THSD7B: variants seen among roughly 807,000 people sequenced by gnomAD.
THSD7B encodes thrombospondin type 1 domain containing 7B.
In THSD7B, 138 loss-of-function variants were observed where a neutral mutation model predicts 213.6. The ratio of observed to expected loss-of-function variants is 0.65; its 90% CI spans 0.56 to 0.74. The LOEUF is 0.74. Ranked by LOEUF, THSD7B falls within the 30% of genes least tolerant of loss-of-function variation. The probability of loss-of-function intolerance (pLI) is 0.00; values close to 1 mark genes in which losing one functional copy is unlikely to be tolerated. For synonymous variants in THSD7B, 742 were observed against 687.0 expected (o/e 1.08, Z -1.25); for missense variants, 1,931 against 1,991.5 (o/e 0.97, Z 0.58).
chr2:137,200,775 G>A (rs1332128135), intron 7 of THSD7B, among the ~76,000 whole-genome samples: 1 of 151,812 alleles, frequency 6.6e-6, no homozygotes, highest in African/African-American at 2.4e-5. Flanking sequence ...GCTTCCAGTG[G>A]TCCTCCTGAC....
intron 26 of THSD7B, among the ~76,000 whole-genome samples, chr2:137,666,884 C>T (rs1260126252): frequency 6.6e-6 from 1 of 151,910 alleles, no homozygotes; most frequent in Non-Finnish European, 1.5e-5. Context: ...ATGGTTGATT[C>T]ATTTTGTTAA....
At chr2:137,084,849 A>G (rs1687808904) in intron 3 of THSD7B, among the ~76,000 whole-genome samples, 1 of 152,208 alleles carries the variant, frequency 6.6e-6, no homozygotes, top group African/African-American at 2.4e-5. Context: ...TTACCACAGT[A>G]TAGCCTATTT....
intron 15 of THSD7B, among the ~76,000 whole-genome samples, chr2:137,516,354 T>C (rs1680068064): frequency 6.6e-6 from 1 of 152,184 alleles, no homozygotes; most frequent in Non-Finnish European, 1.5e-5. Flanking sequence ...TATCCAGAAC[T>C]ACTTGAATGA....
At chr2:137,293,793 A>G (rs1281443923) in intron 12 of THSD7B, among the ~76,000 whole-genome samples, 1 of 152,130 alleles carries the variant, frequency 6.6e-6, no homozygotes, top group Non-Finnish European at 1.5e-5. Flanking sequence ...TTAATACTTC[A>G]TCATGTCACC....
In THSD7B at chr2:137,635,537, TC is replaced by T. The variant is rs555900774; in HGVS notation, c.3800-6950del. Among the ~76,000 whole-genome samples, 6 of 152,300 alleles carry T rather than the reference TC, an allele frequency of 3.9e-5. No homozygotes were observed. In the East Asian group the frequency reaches 1.2e-3, roughly 29 times the overall value. On this transcript the variant is annotated intron_variant, in intron 20 of 27. Coordinates refer to ENST00000409968, the MANE Select transcript of THSD7B (RefSeq NM_001316349.2). ...CTGAGTAACTATGTATTTTGTAATT[TC>T]ATTCATTTAATATAATAAGCCCAGT...
At chr2:137,226,173 C>A (rs949454190) in intron 7 of THSD7B, among the ~76,000 whole-genome samples, 26 of 151,692 alleles carry the variant, frequency 1.7e-4, no homozygotes, top group Admixed American at 1.3e-3. Flanking sequence ...AGAGTATTTT[C>A]GATAACTGTT....
intron 4 of THSD7B, among the ~76,000 whole-genome samples, chr2:137,104,445 G>T (rs763382013): frequency 2.0e-5 from 3 of 152,064 alleles, no homozygotes; most frequent in Non-Finnish European, 4.4e-5. Flanking sequence ...ATCTAAAACC[G>T]ACACCATAAG....
chr2:137,439,788 ATT>A (rs1008216546), intron 14 of THSD7B, among the ~76,000 whole-genome samples: 1 of 151,888 alleles, frequency 6.6e-6, no homozygotes, highest in East Asian at 1.9e-4. Context: ...TTCGAGGTAC[ATT>A]TTTTTTGTCA....
intron 1 of THSD7B, among the ~76,000 whole-genome samples, chr2:136,836,981 A>G (rs1451435860): frequency 6.6e-6 from 1 of 152,134 alleles, no homozygotes; most frequent in African/African-American, 2.4e-5. Flanking sequence ...TCAACCCATT[A>G]GCAAGTCCTG....
chr2:137,499,727 C>T (rs2105133999), intron 15 of THSD7B, among the ~76,000 whole-genome samples: 1 of 152,254 alleles, frequency 6.6e-6, no homozygotes, highest in South Asian at 2.1e-4. Context: ...GAGCTATCAA[C>T]AATGGGGAAC....
chr2:137,182,601 G>T (rs933911239), intron 7 of THSD7B, among the ~76,000 whole-genome samples: 11 of 152,154 alleles, frequency 7.2e-5, no homozygotes, highest in African/African-American at 2.7e-4. Context: ...ATCCGTAGGA[G>T]TAACACTGGT....
intron 12 of THSD7B, among the ~76,000 whole-genome samples, chr2:137,305,614 G>A (rs1402613893): frequency 2.0e-5 from 3 of 152,110 alleles, no homozygotes; most frequent in African/African-American, 7.2e-5. Context: ...TCATGCCCAG[G>A]AGGCAAGTCA....
At chr2:137,412,621 C>CAA (rs199913921) in intron 14 of THSD7B, among the ~76,000 whole-genome samples, 2 of 103,804 alleles carry the variant, frequency 1.9e-5, no homozygotes, top group South Asian at 3.2e-4. Context: ...CAAAAAAAAA[C>CAA]AAAAAACAGT....
At chr2:137,326,107 T>C (rs1333424483) in intron 12 of THSD7B, among the ~76,000 whole-genome samples, 4 of 152,188 alleles carry the variant, frequency 2.6e-5, no homozygotes, top group Non-Finnish European at 5.9e-5. Context: ...GTTTGGATTC[T>C]TGACCTAGTG....
At chr2:137,092,969 A>G (rs962443880) in intron 3 of THSD7B, among the ~76,000 whole-genome samples, 3 of 152,202 alleles carry the variant, frequency 2.0e-5, no homozygotes, top group African/African-American at 7.2e-5. Flanking sequence ...CATTCAGAGG[A>G]ACCATTACCA....
chr2:137,053,520 A>G (rs2104873733), intron 2 of THSD7B, among the ~76,000 whole-genome samples: 1 of 152,204 alleles, frequency 6.6e-6, no homozygotes, highest in South Asian at 2.1e-4. Context: ...TAAAATAGTA[A>G]TGATTTCAAA....
At chr2:136,898,356 G>T (rs1187648579) in intron 2 of THSD7B, among the ~76,000 whole-genome samples, 2 of 152,148 alleles carry the variant, frequency 1.3e-5, no homozygotes, top group Non-Finnish European at 2.9e-5. Context: ...ACAAAGAAAT[G>T]CAATAGATTG....
chr2:137,277,858 C>A (rs1268489786), intron 12 of THSD7B, among the ~76,000 whole-genome samples: 1 of 152,018 alleles, frequency 6.6e-6, no homozygotes, highest in Non-Finnish European at 1.5e-5. Context: ...AGGATAAAAG[C>A]TGGAGCTCTG....
chr2:136,833,148 G>A (rs564909172), intron 1 of THSD7B, among the ~76,000 whole-genome samples: 139 of 152,080 alleles, frequency 9.1e-4, no homozygotes, highest in African/African-American at 3.2e-3. Flanking sequence ...GGCGGATCAC[G>A]AGGTCAGGAG....
Sources: gnomAD v4.1 joint callset for allele counts (sites outside exome capture counted in the v4.1 genomes callset) on GRCh38, gnomAD v4.1.1 for gene constraint, MANE v1.5 for transcripts, NCBI Gene and HGNC (gene_info 2026-07-23, HGNC 2026-07-21) for gene names.